UNC80: variants seen among roughly 807,000 people sequenced by gnomAD.
UNC80 encodes protein unc-80 homolog.
A neutral mutation model predicts 384.6 loss-of-function variants in UNC80; 164 were observed. That is an observed-to-expected ratio of 0.43 (90% CI 0.38 to 0.49). The LOEUF is 0.49. Ranked by LOEUF, UNC80 falls within the 20% of genes least tolerant of loss-of-function variation. UNC80 has a pLI of 0.00. For missense variants in UNC80, 3,330 were observed against 4,143.0 expected, an observed-to-expected ratio of 0.80 and a Z score of 5.39; for synonymous variants, 1,486 against 1,527.8, an observed-to-expected ratio of 0.97 and a Z score of 0.64.
intron 48 of UNC80, among the ~76,000 whole-genome samples, chr2:209,955,736 TATACACACAC>T (rs1419859529): frequency 3.6e-4 from 22 of 61,368 alleles, no homozygotes; most frequent in African/African-American, 1.3e-3. Context: ...TATATATATA[TATACACACAC>T]ACACACACAC....
intron 61 of UNC80, 80 bp downstream of exon 61, chr2:209,984,992 T>C: frequency 2.4e-6 from 3 of 1,251,992 alleles, no homozygotes; most frequent in Non-Finnish European, 3.4e-6. Context: ...CTCTCTGTCT[T>C]CTCTGTCTCT....
intron 29 of UNC80, among the ~76,000 whole-genome samples, chr2:209,911,501 A>G (rs2088938146): frequency 6.6e-6 from 1 of 152,144 alleles, no homozygotes; most frequent in Non-Finnish European, 1.5e-5. Flanking sequence ...GTCACATAAT[A>G]GATGCATTTT....
At chr2:209,951,129 C>T (rs2124990469) in intron 47 of UNC80, among the ~76,000 whole-genome samples, 1 of 152,070 alleles carries the variant, frequency 6.6e-6, no homozygotes, top group Admixed American at 6.5e-5. Context: ...GAGATTGCAC[C>T]ACCACACTCC....
chr2:209,884,017 C>T (rs13026110), intron 25 of UNC80, among the ~76,000 whole-genome samples: 76,682 of 151,882 alleles, frequency 0.5, 20,667 homozygotes, highest in Non-Finnish European at 0.6. Flanking sequence ...GTGCTTCCCC[C>T]CCTCCCCCAC....
chr2:209,904,655 C>G, intron 28 of UNC80, 110 bp from the exon 29 acceptor site: 1 of 925,918 alleles, frequency 1.1e-6, no homozygotes, highest in South Asian at 1.5e-5. Context: ...GATTTCAAGA[C>G]ACATCCAGGG....
chr2:209,790,272 A>G (rs531003999), intron 6 of UNC80, among the ~76,000 whole-genome samples: 1 of 152,294 alleles, frequency 6.6e-6, no homozygotes, highest in East Asian at 1.9e-4. Context: ...TTCACTTTCA[A>G]TTCAACACGT....
At chr2:209,977,131 C>T in intron 58 of UNC80, 53 bp downstream of exon 58, 1 of 1,428,886 alleles carries the variant, frequency 7.0e-7, no homozygotes, top group South Asian at 1.5e-5. Context: ...AACTCACAGC[C>T]TACAAAGAAT....
chr2:209,834,381 C>T (rs529277002), intron 17 of UNC80, among the ~76,000 whole-genome samples: 1 of 152,258 alleles, frequency 6.6e-6, no homozygotes, highest in Admixed American at 6.5e-5. Context: ...TGAATTAGAG[C>T]TCAGTTGTTC....
chr2:209,793,874 T>C lies in UNC80; in HGVS notation c.938+15T>C. On this transcript the variant is annotated intron_variant, in intron 7 of 64. Coordinates refer to ENST00000673920, the MANE Select transcript of UNC80 (RefSeq NM_001371986.1). The stretch of plus-strand genomic sequence containing the variant: ...TCACATTCCAGGTACCTGATTGCAA[T>C]GTTAGGGACAAAATGTGTCACTGGT... 1 of 1,613,228 alleles carries C rather than the reference T, an allele frequency of 6.2e-7. No individual in the cohort carries two copies. Among genetic ancestry groups the C allele is most frequent in the African/African-American group, 1.3e-5 (1 of 75,042 alleles).
intron 22 of UNC80, among the ~76,000 whole-genome samples, chr2:209,866,444 A>T (rs1483222578): frequency 6.6e-6 from 1 of 150,918 alleles, no homozygotes; most frequent in African/African-American, 2.4e-5. Flanking sequence ...GGGATTGGGT[A>T]AATACCAAAG....
At chr2:209,927,430 C>T (rs2090522182) in intron 36 of UNC80, among the ~76,000 whole-genome samples, 1 of 152,100 alleles carries the variant, frequency 6.6e-6, no homozygotes, top group Admixed American at 6.5e-5. Flanking sequence ...TTGTGACAGA[C>T]AAAGGTTAAT....
Position 209,959,636 on chromosome 2 carries a change from G to A in UNC80, c.7734G>A (p.Lys2578=), listed in dbSNP as rs1247904765. 1.3e-6 allele frequency: 2 copies of A among 1,551,730 alleles called. No individual in the cohort carries two copies. The highest frequency in any genetic ancestry group is 4.9e-5 in the East Asian group (2 of 40,916). Residue 2578 remains lysine (K), a synonymous_variant, in exon 51 of 65, where the codon AAG becomes AAA. Transcript: ENST00000673920. ...EFYKHCGPRL[K]ILQNLAGEPR... The stretch of plus-strand genomic sequence containing the variant: ...ATAAGCACTGTGGGCCACGGCTGAA[G>A]ATCTTGCAAAATCTGGCTGGGGAGC...
intron 61 of UNC80, among the ~76,000 whole-genome samples, chr2:209,987,302 A>C (rs887585296): frequency 6.6e-6 from 1 of 151,490 alleles, no homozygotes; most frequent in Non-Finnish European, 1.5e-5. Context: ...AATTACTTCT[A>C]GGATTTTTTT....
chr2:209,917,725 G>T, intron 31 of UNC80, 52 bp from the exon 32 acceptor site: 2 of 1,541,194 alleles, frequency 1.3e-6, no homozygotes, highest in South Asian at 1.2e-5. Flanking sequence ...CCAACCCCAG[G>T]AACTAAGCAA....
intron 7 of UNC80, among the ~76,000 whole-genome samples, chr2:209,796,785 A>G (rs1375661253): frequency 6.6e-6 from 1 of 152,182 alleles, no homozygotes; most frequent in Non-Finnish European, 1.5e-5. Context: ...GCCATGTGGA[A>G]CTGTAAGTCC....
In UNC80 at chr2:209,945,056, T is replaced by C. The variant is rs1559373078; in HGVS notation, c.7056T>C (p.Ala2352=). The C allele has an allele frequency of 6.4e-7, 1 of 1,551,306 alleles. No homozygotes were observed. The highest frequency in any genetic ancestry group is 1.2e-5 in the South Asian group (1 of 83,946). ...SVAPLLEFPD[A]ANNGPSKGVS... Reference sequence around the variant, plus strand: ...AAATTGTTTTTCTTTATCAGGATGCTGCCAATAATGGGCCCAGCAAAGGTG... The same window carrying C: ...AAATTGTTTTTCTTTATCAGGATGCCGCCAATAATGGGCCCAGCAAAGGTG... Residue 2352 remains alanine (A), a synonymous_variant, in exon 46 of 65, where the codon GCT becomes GCC. Coordinates refer to ENST00000673920, the MANE Select transcript of UNC80 (RefSeq NM_001371986.1).
At chr2:209,845,148 C>T (rs1187279228) in intron 21 of UNC80, 1 of 151,610 alleles carries the variant, frequency 6.6e-6, no homozygotes, top group East Asian at 1.9e-4. Flanking sequence ...AAGGAAAAGC[C>T]ACATGAGGAC....
intron 6 of UNC80, among the ~76,000 whole-genome samples, chr2:209,791,372 T>G (rs373589288): frequency 5.3e-5 from 8 of 152,040 alleles, no homozygotes; most frequent in African/African-American, 9.6e-5. Context: ...CCTCTCCCTG[T>G]TTTTTTTGTG....
intron 48 of UNC80, among the ~76,000 whole-genome samples, chr2:209,954,966 C>A (rs2124995517): frequency 6.6e-6 from 1 of 152,224 alleles, no homozygotes; most frequent in East Asian, 1.9e-4. Context: ...AGGAAAGGGG[C>A]AGGCAGGGAG....
Sources: allele counts gnomAD v4.1 joint callset (sites outside exome capture counted in the v4.1 genomes callset), GRCh38; gene constraint gnomAD v4.1.1; transcripts MANE v1.5; gene names NCBI Gene and HGNC (gene_info 2026-07-23, HGNC 2026-07-21).